Variants in PLOD1 observed in about 807,000 individuals in gnomAD.
The protein encoded by PLOD1 is procollagen-lysine,2-oxoglutarate 5-dioxygenase 1, also known as lysine hydroxylase.
Under a neutral mutation model 94.7 loss-of-function variants are expected in PLOD1, and 70 were observed. The observed-to-expected ratio is 0.74, with a 90% CI of 0.61 to 0.90. The LOEUF is 0.90. PLOD1 is among the 40% of genes least tolerant of loss of function. The pLI is 0.00. For synonymous variants in PLOD1, 417 were observed against 400.2 expected (o/e 1.04, Z -0.50); for missense variants, 905 against 972.7 (o/e 0.93, Z 0.93).
chr1:11,974,843 T>C lies in PLOD1; in HGVS notation c.*35T>C, dbSNP rs1170279037. 3 of 1,612,118 alleles carry C rather than the reference T, an allele frequency of 1.9e-6. No individual in the cohort carries two copies. In the East Asian group the frequency reaches 6.7e-5, roughly 36 times the overall value. ...CCTGACCCTCTTGGACCTTTCTTCT[T>C]TGCCGACAACCACTGCCCAGCAGCC... On this transcript the variant is annotated 3_prime_UTR_variant, in exon 19 of 19. Transcript: ENST00000196061.
At chr1:11,943,281 C>T (rs563270633) in intron 1 of PLOD1, among the ~76,000 whole-genome samples, 124 of 147,550 alleles carry the variant, frequency 8.4e-4, no homozygotes, top group African/African-American at 3.2e-3. Flanking sequence ...AGCCACCGTG[C>T]CCGGCTTTTT....
chr1:11,974,589 TGACGGGAGAACA>T, intron 18 of PLOD1, 52 bp from the exon 19 acceptor site: 1 of 1,517,868 alleles, frequency 6.6e-7, no homozygotes, highest in Non-Finnish European at 9.1e-7. Flanking sequence ...CAGGAGATCA[TGACGGGAGAACA>T]GACGGGCAGG....
At chr1:11,948,141 A>C in intron 2 of PLOD1, 74 bp downstream of exon 2, 1 of 1,005,228 alleles carries the variant, frequency 9.9e-7, no homozygotes, top group Non-Finnish European at 1.6e-6. Flanking sequence ...TCCTTTCCAA[A>C]CTACCACGTC....
intron 4 of PLOD1, among the ~76,000 whole-genome samples, chr1:11,951,062 G>A (rs922981607): frequency 1.3e-5 from 2 of 151,376 alleles, no homozygotes; most frequent in African/African-American, 2.4e-5. Flanking sequence ...CCAAAGTGCT[G>A]GGATTATAGG....
chr1:11,937,048 A>T (rs1441657811), intron 1 of PLOD1, among the ~76,000 whole-genome samples: 1 of 151,764 alleles, frequency 6.6e-6, no homozygotes, highest in East Asian at 1.9e-4. Flanking sequence ...GGGTTTCACC[A>T]TGTTGGTCAG....
chr1:11,936,846 T>G (rs1197735386), intron 1 of PLOD1, among the ~76,000 whole-genome samples: 4 of 108,490 alleles, frequency 3.7e-5, no homozygotes, highest in Non-Finnish European at 7.6e-5. Context: ...TCTTTTCTTT[T>G]CTTTCTTTTT....
At chr1:11,973,361 G>A (rs1645879995) in intron 18 of PLOD1, among the ~76,000 whole-genome samples, 1 of 151,976 alleles carries the variant, frequency 6.6e-6, no homozygotes, top group African/African-American at 2.4e-5. Context: ...TTAGCTGGGC[G>A]TGGTAGCACA....
At position 11,963,529 on chromosome 1, in the gene PLOD1, C is replaced by A; in HGVS notation, c.1098-3C>A. On this transcript the variant is annotated splice_region_variant and splice_polypyrimidine_tract_variant and intron_variant, in intron 10 of 18. Coordinates refer to ENST00000196061, the MANE Select transcript of PLOD1 (RefSeq NM_000302.4). This position sits in a 1 kb window ranked among gnomAD's most constrained non-coding sequence, Gnocchi z 4.3. The stretch of plus-strand genomic sequence containing the variant: ...CACTGACCCTGTGTCCTCCTCCTTG[C>A]AGAGACCTGTGCCGGCAGGACCGCA... 1 of 1,587,944 alleles carries A rather than the reference C, an allele frequency of 6.3e-7. No individual in the cohort carries two copies. Among genetic ancestry groups the A allele is most frequent in the Non-Finnish European group, 8.6e-7 (1 of 1,166,024 alleles).
intron 13 of PLOD1, 108 bp from the exon 14 acceptor site, chr1:11,965,372 G>A (rs959584147): frequency 1.8e-5 from 13 of 715,720 alleles, no homozygotes; most frequent in South Asian, 7.5e-5. Context: ...ACTTCAGTTC[G>A]GCGGGTGGAG....
intron 1 of PLOD1, among the ~76,000 whole-genome samples, chr1:11,939,732 C>T (rs961445665): frequency 6.6e-6 from 1 of 151,884 alleles, no homozygotes; most frequent in African/African-American, 2.4e-5. Context: ...CTCAGTCTCC[C>T]GAGTAGCTGG....
In PLOD1 at chr1:11,963,213, A is replaced by G. The variant is rs1645791137; in HGVS notation, c.1098-319A>G. Among the ~76,000 whole-genome samples, 1 of 152,172 alleles carries G rather than the reference A, an allele frequency of 6.6e-6. No homozygotes were observed. Among genetic ancestry groups the G allele is most frequent in the Non-Finnish European group, 1.5e-5 (1 of 68,028 alleles). On this transcript the variant is annotated intron_variant, in intron 10 of 18. Transcript: ENST00000196061. This position sits in a 1 kb window ranked among gnomAD's most constrained non-coding sequence, Gnocchi z 4.3. Reference sequence around the variant, plus strand: ...ATTTTTAAGGCTTTTGGTACAAGTTACCAAATTGCATTTCAGAAAGGCAGC... The same window carrying G: ...ATTTTTAAGGCTTTTGGTACAAGTTGCCAAATTGCATTTCAGAAAGGCAGC...
intron 4 of PLOD1, among the ~76,000 whole-genome samples, chr1:11,951,689 G>A (rs985458864): frequency 4.5e-4 from 67 of 149,438 alleles, no homozygotes; most frequent in African/African-American, 1.6e-3. Context: ...GGAGGCCGAG[G>A]TGGGCGGATC....
chr1:11,954,251 T>G, intron 5 of PLOD1: 1 of 239,686 alleles, frequency 4.2e-6, no homozygotes, highest in Non-Finnish European at 7.9e-6. Flanking sequence ...CGGGGGCGGA[T>G]CACCTGAGGT....
At chr1:11,934,915 C>T in intron 1 of PLOD1, 60 bp downstream of exon 1, 1 of 1,509,646 alleles carries the variant, frequency 6.6e-7, no homozygotes, top group Non-Finnish European at 8.8e-7. Flanking sequence ...TGGTGTCGGG[C>T]TGCCTCCCTG....
chr1:11,964,098 T>TC, intron 11 of PLOD1, 77 bp from the exon 12 acceptor site: 2 of 1,437,546 alleles, frequency 1.4e-6, no homozygotes, highest in Non-Finnish European at 2.0e-6. Flanking sequence ...GGCACCTACC[T>TC]CCCCCCATCC....
chr1:11,969,565 A>G (rs778684192), intron 16 of PLOD1, among the ~76,000 whole-genome samples: 6 of 152,284 alleles, frequency 3.9e-5, no homozygotes, highest in Non-Finnish European at 7.4e-5. Flanking sequence ...CCCTGGAACA[A>G]GTTTTCAGTG....
intron 1 of PLOD1, among the ~76,000 whole-genome samples, chr1:11,940,902 A>C (rs1296182202): frequency 6.6e-6 from 1 of 152,226 alleles, no homozygotes; most frequent in Non-Finnish European, 1.5e-5. Context: ...CAGAGGCCAG[A>C]GAGAAGGCAC....
intron 16 of PLOD1, among the ~76,000 whole-genome samples, chr1:11,967,955 ATT>A (rs550083636): frequency 2.7e-4 from 37 of 138,934 alleles, no homozygotes; most frequent in African/African-American, 7.1e-4. Flanking sequence ...GTGTGTGTAA[ATT>A]TTTTTTTTTT....
chr1:11,974,352 T>A (rs1645888469), intron 18 of PLOD1, among the ~76,000 whole-genome samples: 1 of 152,048 alleles, frequency 6.6e-6, no homozygotes, highest in African/African-American at 2.4e-5. Context: ...CCAGCTGGTT[T>A]TTGTATTTTT....
Sources: gnomAD v4.1 joint callset for allele counts (sites outside exome capture counted in the v4.1 genomes callset) on GRCh38, gnomAD v4.1.1 for gene constraint, Gnocchi (gnomAD v3.1) non-coding constraint, MANE v1.5 for transcripts, NCBI Gene and HGNC (gene_info 2026-07-23, HGNC 2026-07-21) for gene names.